IL1RAPL2: variants seen among roughly 807,000 people sequenced by gnomAD.
IL1RAPL2 encodes the protein X-linked interleukin-1 receptor accessory protein-like 2.
IL1RAPL2 carries 3 observed loss-of-function variants against 44.1 expected under a neutral mutation model. That is an observed-to-expected ratio of 0.07 (90% CI 0.03 to 0.18). The LOEUF (loss-of-function observed/expected upper bound fraction) is 0.18. Ranked by LOEUF, IL1RAPL2 falls within the 10% of genes least tolerant of loss-of-function variation. The pLI is 1.00. For missense variants in IL1RAPL2, 391 were observed against 496.4 expected (o/e 0.79, Z 2.02); for synonymous variants, 181 against 178.8 (o/e 1.01, Z -0.10).
chrX:105,746,230 C>G (rs1192695236), intron 8 of IL1RAPL2, among the ~76,000 whole-genome samples: 4 of 111,813 alleles, frequency 3.6e-5, no homozygotes, highest in Non-Finnish European at 5.6e-5. Flanking sequence ...TGGGTTCAAA[C>G]TAAGAAGGTA....
At chrX:104,724,933 T>C (rs1172638421) in intron 2 of IL1RAPL2, among the ~76,000 whole-genome samples, 1 of 111,379 alleles carries the variant, frequency 9.0e-6, no homozygotes, top group East Asian at 2.8e-4. Context: ...ATGTACAGAA[T>C]GTGCAGGTTT....
At chrX:104,799,264 T>G (rs761584881) in intron 2 of IL1RAPL2, among the ~76,000 whole-genome samples, 1 of 111,737 alleles carries the variant, frequency 8.9e-6, no homozygotes, top group Non-Finnish European at 1.9e-5. Flanking sequence ...TTAGCCTTCC[T>G]CCAACCAGAA....
intron 2 of IL1RAPL2, among the ~76,000 whole-genome samples, chrX:105,152,692 G>A (rs1602980891): frequency 8.9e-6 from 1 of 112,096 alleles, no homozygotes; most frequent in African/African-American, 3.2e-5. Flanking sequence ...TTAAGTGGTG[G>A]GACCTGTAAA....
At chrX:105,685,608 A>T (rs1172349424) in intron 6 of IL1RAPL2, among the ~76,000 whole-genome samples, 2 of 111,934 alleles carry the variant, frequency 1.8e-5, no homozygotes, top group Non-Finnish European at 3.8e-5. Context: ...GGAGAATGGA[A>T]CCAAGTTGGA....
At chrX:105,035,558 T>TA (rs921677456) in intron 2 of IL1RAPL2, among the ~76,000 whole-genome samples, 4 of 111,840 alleles carry the variant, frequency 3.6e-5, no homozygotes, top group Non-Finnish European at 7.5e-5. Context: ...CACAGGGGAA[T>TA]AAAAAAAATT....
intron 10 of IL1RAPL2, among the ~76,000 whole-genome samples, chrX:105,761,217 C>CTA (rs1480826300): frequency 2.3e-5 from 2 of 86,654 alleles, no homozygotes; most frequent in African/African-American, 1.0e-4. Flanking sequence ...AAAACTCTTC[C>CTA]TATACACACA....
At chrX:104,739,889 A>G (rs985771387) in intron 2 of IL1RAPL2, among the ~76,000 whole-genome samples, 8 of 111,453 alleles carry the variant, frequency 7.2e-5, no homozygotes, top group African/African-American at 2.3e-4. Flanking sequence ...TTAGAGCATT[A>G]TATATCTAAT....
intron 2 of IL1RAPL2, among the ~76,000 whole-genome samples, chrX:104,850,841 G>C (rs998000182): frequency 9.0e-6 from 1 of 111,218 alleles, no homozygotes; most frequent in Non-Finnish European, 1.9e-5. Flanking sequence ...CTCTATAGTT[G>C]GTTGTAGTTT....
chrX:104,591,994 A>G (rs1191972033), intron 1 of IL1RAPL2, among the ~76,000 whole-genome samples: 2 of 110,316 alleles, frequency 1.8e-5, no homozygotes, highest in Non-Finnish European at 3.8e-5. Flanking sequence ...TGTCCTGGGT[A>G]TAAATTAAGT....
chrX:104,904,012 T>C (rs1480813160), intron 2 of IL1RAPL2, among the ~76,000 whole-genome samples: 2 of 111,738 alleles, frequency 1.8e-5, no homozygotes, highest in East Asian at 5.7e-4. Context: ...CTTTCACCTG[T>C]AGTTTGGATT....
chrX:105,580,537 C>T (rs1360218975), intron 6 of IL1RAPL2, among the ~76,000 whole-genome samples: 2 of 110,813 alleles, frequency 1.8e-5, no homozygotes, highest in South Asian at 3.9e-4. Context: ...TTTGCTAATG[C>T]AGGATCATTT....
chrX:104,722,649 T>C, intron 2 of IL1RAPL2, among the ~76,000 whole-genome samples: 1 of 111,996 alleles, frequency 8.9e-6, no homozygotes, highest in East Asian at 2.8e-4. Flanking sequence ...TTCTACTTTG[T>C]CTCTCATATT....
At chrX:104,673,602 A>T (rs1488786944) in intron 2 of IL1RAPL2, among the ~76,000 whole-genome samples, 1 of 111,121 alleles carries the variant, frequency 9.0e-6, no homozygotes, top group Non-Finnish European at 1.9e-5. Context: ...GTTCCATATG[A>T]ACTTTAAAGT....
intron 2 of IL1RAPL2, among the ~76,000 whole-genome samples, chrX:104,917,445 A>G (rs1287017351): frequency 8.9e-6 from 1 of 111,900 alleles, no homozygotes; most frequent in African/African-American, 3.3e-5. Flanking sequence ...AAATGAAACT[A>G]GGAGTTTCTC....
intron 5 of IL1RAPL2, among the ~76,000 whole-genome samples, chrX:105,438,831 A>G (rs1265959910): frequency 9.0e-6 from 1 of 110,660 alleles, no homozygotes; most frequent in East Asian, 2.9e-4. Flanking sequence ...CCTGTTGATT[A>G]GTAACCTGCT....
intron 2 of IL1RAPL2, among the ~76,000 whole-genome samples, chrX:105,187,161 TA>T (rs1182002348): frequency 7.1e-5 from 8 of 111,951 alleles, no homozygotes; most frequent in African/African-American, 2.6e-4. Context: ...GAAATGCACA[TA>T]AAAAACTTGT....
At chrX:105,010,084 G>T (rs2031023466) in intron 2 of IL1RAPL2, among the ~76,000 whole-genome samples, 1 of 111,111 alleles carries the variant, frequency 9.0e-6, no homozygotes, top group South Asian at 3.7e-4. Context: ...GTAGAGTTTT[G>T]TTTTTGTTTT....
At chrX:104,610,526 C>T (rs1185601872) in intron 1 of IL1RAPL2, among the ~76,000 whole-genome samples, 1 of 111,922 alleles carries the variant, frequency 8.9e-6, no homozygotes, top group Non-Finnish European at 1.9e-5. Context: ...CTCCTATTCA[C>T]AATTGCTTCA....
intron 6 of IL1RAPL2, among the ~76,000 whole-genome samples, chrX:105,709,028 G>A (rs1446530676): frequency 2.7e-5 from 3 of 112,501 alleles, no homozygotes; most frequent in Non-Finnish European, 5.6e-5. Context: ...TCAATTTGCT[G>A]AGTATAATTT....
Sources: allele counts gnomAD v4.1 joint callset (sites outside exome capture counted in the v4.1 genomes callset), GRCh38; gene constraint gnomAD v4.1.1; transcripts MANE v1.5; gene names NCBI Gene and HGNC (gene_info 2026-07-23, HGNC 2026-07-21).